GTF2H1: variants seen among roughly 807,000 people sequenced by gnomAD.
GTF2H1 encodes general transcription factor IIH subunit 1, also known as BTF2 p62.
In GTF2H1, 16 loss-of-function variants were observed where a neutral mutation model predicts 71.2. The observed-to-expected ratio is 0.22, with a 90% CI of 0.15 to 0.34. The LOEUF is 0.34. Ranked by LOEUF, GTF2H1 falls within the 10% of genes least tolerant of loss-of-function variation. The pLI is 1.00. For synonymous variants in GTF2H1, 215 were observed against 219.0 expected (o/e 0.98, Z 0.16); for missense variants, 498 against 648.2 (o/e 0.77, Z 2.52).
At chr11:18,364,485 GC>G (rs1865775886) in intron 14 of GTF2H1, among the ~76,000 whole-genome samples, 1 of 152,202 alleles carries the variant, frequency 6.6e-6, no homozygotes, top group South Asian at 2.1e-4. Context: ...AGAGACTGAG[GC>G]AGGAGGATCA....
At chr11:18,343,814 G>A (rs1865220572) in intron 7 of GTF2H1, among the ~76,000 whole-genome samples, 1 of 152,108 alleles carries the variant, frequency 6.6e-6, no homozygotes. Flanking sequence ...CCAAAAACCT[G>A]GGAGTCGGCG....
At chr11:18,328,932 ACT>A (rs1864833457) in intron 1 of GTF2H1, among the ~76,000 whole-genome samples, 1 of 152,132 alleles carries the variant, frequency 6.6e-6, no homozygotes, top group Non-Finnish European at 1.5e-5. Flanking sequence ...AGAAGGGAAA[ACT>A]CTCAAAGTCT....
At chr11:18,365,698 T>C in intron 14 of GTF2H1, 85 bp from the exon 15 acceptor site, 1 of 869,768 alleles carries the variant, frequency 1.1e-6, no homozygotes, top group Non-Finnish European at 2.0e-6. Context: ...GAAACTACAC[T>C]CTGAAGTGTG....
intron 1 of GTF2H1, among the ~76,000 whole-genome samples, chr11:18,328,671 A>G (rs986267186): frequency 7.9e-5 from 12 of 151,358 alleles, no homozygotes; most frequent in Non-Finnish European, 1.3e-4. Context: ...CTAAAAATAC[A>G]AAAAATTAGC....
chr11:18,332,417 T>C (rs1005747341), intron 1 of GTF2H1, among the ~76,000 whole-genome samples: 1 of 152,200 alleles, frequency 6.6e-6, no homozygotes, highest in Non-Finnish European at 1.5e-5. Context: ...AGGCAGGGGA[T>C]GGAGGTGGAG....
At chr11:18,362,143 C>A (rs919439746) in intron 14 of GTF2H1, among the ~76,000 whole-genome samples, 3 of 152,128 alleles carry the variant, frequency 2.0e-5, no homozygotes, top group Non-Finnish European at 2.9e-5. Context: ...TAGCCTGTTG[C>A]TCCTAGGCTA....
chr11:18,358,523 A>C lies in GTF2H1; in HGVS notation c.1352-2A>C. On this transcript the variant is annotated splice_acceptor_variant, in intron 12 of 14. Coordinates refer to ENST00000265963, the MANE Select transcript of GTF2H1 (RefSeq NM_005316.4). LOFTEE classifies it high-confidence loss of function. ...CCTATGGGCCTTGTTCTTCTTTTGCAGAGATGGTGCCAAATGATATTCAAT... is the reference window on the plus strand; with the variant it reads ...CCTATGGGCCTTGTTCTTCTTTTGCCGAGATGGTGCCAAATGATATTCAAT... 6.4e-7 allele frequency: 1 copy of C among 1,557,934 alleles called. No individual in the cohort carries two copies. The highest frequency in any genetic ancestry group is 8.9e-7 in the Non-Finnish European group (1 of 1,129,170).
In GTF2H1 at chr11:18,352,462, T is replaced by A; in HGVS notation, c.1260+16T>A. 1 of 968,250 alleles carries A rather than the reference T, an allele frequency of 1.0e-6. No homozygotes were observed. The highest frequency in any genetic ancestry group is 1.7e-6 in the Non-Finnish European group (1 of 594,396). 60.0% of individuals were successfully genotyped at this position (968,250 alleles called of 1,614,324 possible). On this transcript the variant is annotated intron_variant, in intron 11 of 14. Transcript: ENST00000265963. Reference sequence around the variant, plus strand: ...GTTAACTCAGGTAGGTGACTTCTACTGTTTGAAGGCCAGAATTCCCATAGT... The same window carrying A: ...GTTAACTCAGGTAGGTGACTTCTACAGTTTGAAGGCCAGAATTCCCATAGT...
In GTF2H1 at chr11:18,352,404, T is replaced by A. The variant is rs1230374226; in HGVS notation, c.1218T>A (p.Ser406Arg). 6.4e-7 allele frequency: 1 copy of A among 1,572,410 alleles called. No individual in the cohort carries two copies. Among genetic ancestry groups the A allele is most frequent in the Admixed American group, 1.7e-5 (1 of 59,822 alleles). Reference protein sequence around the residue: ...TSQDIINSFQSIRQEMEAYTP... With the variant: ...TSQDIINSFQRIRQEMEAYTP... ...AGGACATTATTAATTCTTTTCAAAG[T>A]ATTAGACAAGAAATGGAAGCTTATA... The change falls in exon 11 of 15, where the codon AGT (serine) becomes AGA (arginine). Residue 406 changes from serine (S) to arginine (R), a missense_variant. Around this residue, in one of 3 missense-constraint regions of GTF2H1, gnomAD observed 266 missense variants for 301.6 expected, o/e 0.88. Transcript: ENST00000265963.
chr11:18,334,459 T>C (rs992802394), intron 2 of GTF2H1, among the ~76,000 whole-genome samples: 2 of 152,230 alleles, frequency 1.3e-5, no homozygotes, highest in African/African-American at 4.8e-5. Flanking sequence ...TCTGTAACAA[T>C]AGACTTATAA....
At chr11:18,362,432 A>G (rs1313323932) in intron 14 of GTF2H1, among the ~76,000 whole-genome samples, 1 of 152,168 alleles carries the variant, frequency 6.6e-6, no homozygotes, top group Non-Finnish European at 1.5e-5. Context: ...TAAATTTACA[A>G]TATAGCTTTT....
chr11:18,359,194 T>G (rs1865639365), intron 13 of GTF2H1, among the ~76,000 whole-genome samples: 1 of 152,042 alleles, frequency 6.6e-6, no homozygotes, highest in South Asian at 2.1e-4. Context: ...CTAGGAAGAT[T>G]AAGGGGAAAT....
At chr11:18,357,688 T>TAAA (rs1197199183) in intron 11 of GTF2H1, among the ~76,000 whole-genome samples, 1 of 152,218 alleles carries the variant, frequency 6.6e-6, no homozygotes, top group Non-Finnish European at 1.5e-5. Context: ...GAAAGGGCTT[T>TAAA]AACTAGGCAA....
intron 1 of GTF2H1, among the ~76,000 whole-genome samples, chr11:18,325,733 A>G (rs1015792544): frequency 6.6e-6 from 1 of 152,226 alleles, no homozygotes; most frequent in Admixed American, 6.5e-5. Flanking sequence ...AGAATGTACA[A>G]AGGCTCAGAG....
chr11:18,348,018 C>T (rs759355937), intron 9 of GTF2H1, 99 bp downstream of exon 9: 1 of 805,176 alleles, frequency 1.2e-6, no homozygotes, highest in Non-Finnish European at 2.2e-6. Flanking sequence ...TGACTCAGTT[C>T]TTCTAACTAA....
intron 7 of GTF2H1, among the ~76,000 whole-genome samples, chr11:18,344,945 C>T (rs2133972137): frequency 6.6e-6 from 1 of 152,158 alleles, no homozygotes; most frequent in Middle Eastern, 3.4e-3. Context: ...GTGGCTCATG[C>T]CTTTAATCCT....
At chr11:18,335,455 G>T (rs1865003120) in intron 2 of GTF2H1, among the ~76,000 whole-genome samples, 1 of 152,224 alleles carries the variant, frequency 6.6e-6, no homozygotes, top group African/African-American at 2.4e-5. Context: ...AAAGAGGTCT[G>T]CCCTGCCCTA....
In GTF2H1 at chr11:18,335,858, A is replaced by C; in HGVS notation, c.259A>C (p.Lys87Gln). 6.2e-7 allele frequency: 1 copy of C among 1,614,098 alleles called. No individual in the cohort carries two copies. Among genetic ancestry groups the C allele is most frequent in the Non-Finnish European group, 8.5e-7 (1 of 1,179,924 alleles). The change falls in exon 3 of 15, where the codon AAA becomes CAA. Residue 87 changes from lysine to glutamine, a missense_variant. Physicochemically the swap from Lys to Gln is moderately conservative, Grantham distance 53. Around this residue, in one of 3 missense-constraint regions of GTF2H1, gnomAD observed 216 missense variants for 306.2 expected, o/e 0.71. Transcript: ENST00000265963. ...TTTTTCCAATGAAAGCACAGCAGTG[A>C]AAGAGCGAGATGCAGTAAAAGACCT... is the stretch of plus-strand genomic sequence containing the variant. Reference protein sequence around the residue: ...FHFSNESTAVKERDAVKDLLQ... With the variant: ...FHFSNESTAVQERDAVKDLLQ...
intron 7 of GTF2H1, among the ~76,000 whole-genome samples, chr11:18,346,481 C>G (rs1445428309): frequency 6.6e-6 from 1 of 152,188 alleles, no homozygotes; most frequent in Non-Finnish European, 1.5e-5. Context: ...TCCAGCCCAG[C>G]TTCCCACTAA....
Sources: allele counts gnomAD v4.1 joint callset (sites outside exome capture counted in the v4.1 genomes callset), GRCh38; gene constraint gnomAD v4.1.1; regional missense constraint gnomAD v4.1.1; transcripts MANE v1.5; gene names NCBI Gene and HGNC (gene_info 2026-07-23, HGNC 2026-07-21).